Variants in REV3L observed in about 807,000 individuals in gnomAD.
REV3L encodes the protein REV3 like, DNA directed polymerase zeta catalytic subunit, also known as DNA polymerase zeta catalytic subunit.
Under a neutral mutation model 299.4 loss-of-function variants are expected in REV3L, and 69 were observed. The ratio of observed to expected loss-of-function variants is 0.23; its 90% confidence interval spans 0.19 to 0.28. The LOEUF (loss-of-function observed/expected upper bound fraction) is 0.28, where lower values mean the gene tolerates loss of function less well. REV3L is among the 10% of genes least tolerant of loss of function. REV3L has a pLI of 1.00. For missense variants in REV3L, 3,128 were observed against 3,693.8 expected, an observed-to-expected ratio of 0.85 and a Z score of 3.97; for synonymous variants, 1,238 against 1,271.4, an observed-to-expected ratio of 0.97 and a Z score of 0.56.
chr6:111,478,441 C>T (rs9400478), intron 1 of REV3L, among the ~76,000 whole-genome samples: 144,879 of 152,224 alleles, frequency 0.95, 69,007 homozygotes, highest in East Asian at 1. Context: ...ATCTCCATAG[C>T]GTTCCTGAAA....
In REV3L at chr6:111,367,962, T is replaced by A; in HGVS notation, c.5826A>T (p.Gly1942=). ...GACGAAGTCCTTCCAAGGAAAAGTC[T>A]CCCTCAAACTCAGCCAGATCATTTG... ...RLANDLAEFE[G]DFSLEGLRLW... is the part of the protein sequence containing the mutation. The change falls in exon 14 of 32, where the codon GGA becomes GGT. Residue 1942 remains glycine, a synonymous_variant. Transcript: ENST00000368802. 8 of 1,613,910 alleles carry A rather than the reference T, an allele frequency of 5.0e-6. No homozygotes were observed. Among genetic ancestry groups the A allele is most frequent in the Non-Finnish European group, 6.8e-6 (8 of 1,179,936 alleles).
At chr6:111,397,697 T>A (rs1000374988) in intron 4 of REV3L, among the ~76,000 whole-genome samples, 2 of 152,068 alleles carry the variant, frequency 1.3e-5, no homozygotes, top group Admixed American at 1.3e-4. Context: ...AGTGCAGTGG[T>A]GTGACCACAG....
intron 31 of REV3L, among the ~76,000 whole-genome samples, chr6:111,303,169 T>TTTCTTTC (rs1562474494): frequency 8.6e-4 from 11 of 12,818 alleles, no homozygotes; most frequent in Non-Finnish European, 2.0e-3. Context: ...TTCTTTCTTT[T>TTTCTTTC]TTTTTTTTTT....
Position 111,300,121 on chromosome 6 carries a change from G to A in REV3L, c.9288C>T (p.His3096=). 6.2e-7 allele frequency: 1 copy of A among 1,612,784 alleles called. No homozygotes were observed. The highest frequency in any genetic ancestry group is 1.1e-5 in the South Asian group (1 of 90,724). The change falls in exon 32 of 32, where the codon CAC becomes CAT. Residue 3096 remains histidine (H), a synonymous_variant. Coordinates refer to ENST00000368802, the MANE Select transcript of REV3L (RefSeq NM_001372078.1). ...CKNCTGCFDR[H]IPCVSLNCPV... is the part of the protein sequence containing the mutation. ...GGCAGTTCAGAGAAACACATGGGAT[G>A]TGTCGATCAAAGCAACCTGTACAGT...
chr6:111,401,445 C>CT (rs1482432870), intron 4 of REV3L, among the ~76,000 whole-genome samples: 1 of 152,138 alleles, frequency 6.6e-6, no homozygotes, highest in Non-Finnish European at 1.5e-5. Flanking sequence ...TGCTCACATA[C>CT]TTTGGTTTAC....
intron 4 of REV3L, among the ~76,000 whole-genome samples, chr6:111,401,222 A>G (rs983894513): frequency 6.6e-6 from 1 of 152,224 alleles, no homozygotes; most frequent in Middle Eastern, 3.2e-3. Context: ...GGAAGTCTCC[A>G]TACTTTAAAA....
At chr6:111,417,566 C>T (rs1010010407) in intron 1 of REV3L, among the ~76,000 whole-genome samples, 2 of 152,152 alleles carry the variant, frequency 1.3e-5, no homozygotes, top group African/African-American at 4.8e-5. Flanking sequence ...CTCTGCTTCA[C>T]TGGGCCTTTT....
At chr6:111,302,219 T>C (rs1159429107) in intron 31 of REV3L, among the ~76,000 whole-genome samples, 1 of 152,230 alleles carries the variant, frequency 6.6e-6, no homozygotes, top group Non-Finnish European at 1.5e-5. Context: ...AGACTGAGTA[T>C]GCTGTTCTAT....
chr6:111,431,645 T>C, intron 1 of REV3L: 1 of 822,716 alleles, frequency 1.2e-6, no homozygotes, highest in African/African-American at 1.7e-5. Context: ...GGTGATATCA[T>C]AAGCACATAC....
At chr6:111,341,903 G>A (rs1776532030) in intron 21 of REV3L, among the ~76,000 whole-genome samples, 1 of 152,130 alleles carries the variant, frequency 6.6e-6, no homozygotes, top group Non-Finnish European at 1.5e-5. Context: ...TAGTGCTGGG[G>A]TTGGAGGCTC....
At chr6:111,454,697 G>T (rs140616909) in intron 1 of REV3L, among the ~76,000 whole-genome samples, 2,243 of 151,962 alleles carry the variant, frequency 0.015, 48 homozygotes, top group African/African-American at 0.05. Context: ...ATGGAGTTTC[G>T]CTCTTGTTGC....
At chr6:111,422,421 C>A (rs1785464719) in intron 1 of REV3L, among the ~76,000 whole-genome samples, 2 of 151,336 alleles carry the variant, frequency 1.3e-5, no homozygotes, top group Non-Finnish European at 3.0e-5. Context: ...CTAACCTCAG[C>A]AACAGAAGAT....
chr6:111,412,150 A>G (rs1784315510), intron 2 of REV3L: 4 of 985,420 alleles, frequency 4.1e-6, no homozygotes, highest in Non-Finnish European at 4.8e-6. Context: ...TCAGTAGCTG[A>G]TATGAATAAA....
At chr6:111,326,633 G>A (rs182772662) in intron 25 of REV3L, among the ~76,000 whole-genome samples, 12 of 151,208 alleles carry the variant, frequency 7.9e-5, no homozygotes, top group South Asian at 6.3e-4. Context: ...AATGGAAATC[G>A]GTACATTGAA....
intron 1 of REV3L, among the ~76,000 whole-genome samples, chr6:111,422,627 T>C (rs1274047978): frequency 3.3e-5 from 1 of 30,182 alleles, no homozygotes; most frequent in African/African-American, 6.9e-5. Flanking sequence ...TATATATATA[T>C]ATACACATAT....
At chr6:111,444,112 G>A (rs1788579926) in intron 1 of REV3L, among the ~76,000 whole-genome samples, 1 of 152,154 alleles carries the variant, frequency 6.6e-6, no homozygotes, top group East Asian at 1.9e-4. Context: ...CATGTAGACA[G>A]GCCTTCAAAC....
chr6:111,349,109 G>T, intron 20 of REV3L, 109 bp downstream of exon 20: 1 of 597,308 alleles, frequency 1.7e-6, no homozygotes, highest in Non-Finnish European at 2.9e-6. Context: ...AACAGTAATT[G>T]ACAAACGCAT....
In REV3L at chr6:111,307,532, T is replaced by C; in HGVS notation, c.9081A>G (p.Glu3027=). Residue 3027 remains glutamate, a synonymous_variant, in exon 31 of 32, where the codon GAA becomes GAG. Transcript: ENST00000368802. ...ATTGTGAAATAGTGCCTTTCCGCCC[T>C]TCAGGTTCACTTCGCGAGGAGCTGG... ...KATSSSRSEP[E]GRKGTISQYF... is the part of the protein sequence containing the mutation. The C allele has an allele frequency of 6.2e-7, 1 of 1,614,224 alleles. No individual in the cohort carries two copies. Among genetic ancestry groups the C allele is most frequent in the Non-Finnish European group, 8.5e-7 (1 of 1,180,032 alleles).
At chr6:111,418,753 A>C in intron 1 of REV3L, among the ~76,000 whole-genome samples, 1 of 152,160 alleles carries the variant, frequency 6.6e-6, no homozygotes. Context: ...TTTTTATTAT[A>C]ATTGCCTGTT....
Sources: gnomAD v4.1 joint callset for allele counts (sites outside exome capture counted in the v4.1 genomes callset) on GRCh38, gnomAD v4.1.1 for gene constraint, MANE v1.5 for transcripts, NCBI Gene and HGNC (gene_info 2026-07-23, HGNC 2026-07-21) for gene names.